DDC: variants seen among roughly 807,000 people sequenced by gnomAD.
DDC encodes aromatic-L-amino-acid decarboxylase.
In DDC, 43 loss-of-function variants were observed where a neutral mutation model predicts 60.0. That is an observed-to-expected ratio of 0.72 (90% CI 0.56 to 0.92). The LOEUF (loss-of-function observed/expected upper bound fraction) is 0.92, where lower values mean the gene tolerates loss of function less well. Ranked by LOEUF, DDC falls within the 40% of genes least tolerant of loss-of-function variation. The pLI is 0.00. For synonymous variants in DDC, 232 were observed against 234.6 expected (o/e 0.99, Z 0.10); for missense variants, 573 against 620.2 (o/e 0.92, Z 0.81).
intron 1 of DDC, among the ~76,000 whole-genome samples, chr7:50,551,229 CTTTT>C (rs58446864): frequency 2.6e-4 from 35 of 133,004 alleles, no homozygotes; most frequent in South Asian, 4.9e-4. Flanking sequence ...TTCCGTTGTA[CTTTT>C]TTTTTTTTTT....
Position 50,463,223 on chromosome 7 carries a change from C to T in DDC, c.*8G>A, listed in dbSNP as rs1341723145. ...CCCAGGGCAGCCTACCTGCAGCTGG[C>T]TTCACTCCTACTCCCTCTCTGCTCG... is the stretch of plus-strand genomic sequence containing the variant. On this transcript the variant is annotated 3_prime_UTR_variant, in exon 14 of 15. Coordinates refer to ENST00000444124, the MANE Select transcript of DDC (RefSeq NM_001082971.2). 4 of 1,606,326 alleles carry T rather than the reference C, an allele frequency of 2.5e-6. No individual in the cohort carries two copies. Among genetic ancestry groups the T allele is most frequent in the South Asian group, 1.1e-5 (1 of 89,688 alleles).
intron 6 of DDC, among the ~76,000 whole-genome samples, chr7:50,522,427 C>CT (rs763969393): frequency 1.3e-5 from 2 of 152,134 alleles, no homozygotes; most frequent in Non-Finnish European, 2.9e-5. Flanking sequence ...GATTCTAATG[C>CT]TTATATGAAG....
chr7:50,470,084 A>C lies in DDC; in HGVS notation c.1129T>G (p.Tyr377Asp). 2 of 1,608,440 alleles carry C rather than the reference A, an allele frequency of 1.2e-6. No homozygotes were observed. Among genetic ancestry groups the C allele is most frequent in the Non-Finnish European group, 1.7e-6 (2 of 1,174,800 alleles). ...AAAAACAAAGTCACCTTGCGGATAT[A>C]AGCCTGCAGTCCTTTGACTCCATAC... ...RMYGVKGLQAYIRKHVQLSHE... is the reference protein window; with the variant it reads ...RMYGVKGLQADIRKHVQLSHE... The change falls in exon 12 of 15, where the codon TAT becomes GAT. Residue 377 changes from tyrosine to aspartate, a missense_variant. Tyr to Asp is a radical substitution (Grantham distance 160). Coordinates refer to ENST00000444124, the MANE Select transcript of DDC (RefSeq NM_001082971.2).
chr7:50,473,592 G>T (rs2042579762), intron 11 of DDC, among the ~76,000 whole-genome samples: 1 of 152,236 alleles, frequency 6.6e-6, no homozygotes, highest in South Asian at 2.1e-4. Flanking sequence ...ACCCCAGAGA[G>T]CCTCCCAAGC....
chr7:50,478,224 A>AG (rs2042691579), intron 10 of DDC, among the ~76,000 whole-genome samples: 1 of 147,360 alleles, frequency 6.8e-6, no homozygotes. Flanking sequence ...AAAAAAAAAA[A>AG]TTGTCAAAGA....
intron 11 of DDC, among the ~76,000 whole-genome samples, chr7:50,471,245 A>G (rs1430680952): frequency 1.3e-5 from 2 of 152,196 alleles, no homozygotes; most frequent in East Asian, 3.9e-4. Flanking sequence ...TACAAAAATT[A>G]GCCTGGTATG....
intron 6 of DDC, among the ~76,000 whole-genome samples, chr7:50,526,574 T>C (rs1300955372): frequency 6.6e-6 from 1 of 152,166 alleles, no homozygotes; most frequent in Non-Finnish European, 1.5e-5. Flanking sequence ...ATATAATAGT[T>C]GAGCCAAATA....
intron 2 of DDC, chr7:50,541,521 G>T (rs574375560): frequency 2.0e-5 from 3 of 152,220 alleles, no homozygotes; most frequent in Non-Finnish European, 2.9e-5. Flanking sequence ...CCCTTAATAA[G>T]ATTAGTGCCC....
In DDC at chr7:50,475,825, G is replaced by A. The variant is rs536897447; in HGVS notation, c.1041+799C>T. On this transcript the variant is annotated intron_variant, in intron 11 of 14. Coordinates refer to ENST00000444124, the MANE Select transcript of DDC (RefSeq NM_001082971.2). Reference sequence around the variant, plus strand: ...CTGCCTCAGCCTCCGGGGTAGCTGGGATTACAGGTGCCTGCCACCACACCC... The same window carrying A: ...CTGCCTCAGCCTCCGGGGTAGCTGGAATTACAGGTGCCTGCCACCACACCC... 1.1e-4 allele frequency among the ~76,000 whole-genome samples: 17 copies of A among 152,208 alleles called. No individual in the cohort carries two copies. The East Asian group carries it at 3.3e-3, about 29-fold the overall frequency.
At chr7:50,493,059 T>C in intron 9 of DDC, 1 of 1,478,734 alleles carries the variant, frequency 6.8e-7, no homozygotes, top group Non-Finnish European at 9.3e-7. Flanking sequence ...TGTCAATATT[T>C]GCCTCCAAGA....
intron 1 of DDC, among the ~76,000 whole-genome samples, chr7:50,564,959 A>G (rs1302746893): frequency 6.6e-6 from 1 of 152,170 alleles, no homozygotes; most frequent in Non-Finnish European, 1.5e-5. Flanking sequence ...GGAATAAAAT[A>G]CCCAACACCA....
At chr7:50,468,199 C>A (rs1479388182) in intron 12 of DDC, among the ~76,000 whole-genome samples, 1 of 152,218 alleles carries the variant, frequency 6.6e-6, no homozygotes, top group African/African-American at 2.4e-5. Context: ...CCTCGTCATG[C>A]CACCAGAGAG....
chr7:50,546,515 G>GGA (rs1379030376), intron 1 of DDC, among the ~76,000 whole-genome samples: 2 of 152,214 alleles, frequency 1.3e-5, no homozygotes, highest in African/African-American at 4.8e-5. Context: ...TCAAAGTTGT[G>GGA]CTCAGAAGGC....
At position 50,552,467 on chromosome 7, in the gene DDC, C is replaced by A. The variant is rs572188510; in HGVS notation, c.-28-8354G>T. Reference sequence around the variant, plus strand: ...CTGTGCACGGTGAGCTGGCTGCCTCCCTGGACTTCTGGCTCAATGTCTTTT... The same window carrying A: ...CTGTGCACGGTGAGCTGGCTGCCTCACTGGACTTCTGGCTCAATGTCTTTT... On this transcript the variant is annotated intron_variant, in intron 1 of 14. Transcript: ENST00000444124. 4.6e-5 allele frequency among the ~76,000 whole-genome samples: 7 copies of A among 152,304 alleles called. No homozygotes were observed. In the South Asian group the frequency reaches 1.5e-3, roughly 32 times the overall value.
rs991445912 is a variant in DDC, at chr7:50,492,627, G to C, written c.944+2723C>G. 15 of 1,082,300 alleles carry C rather than the reference G, an allele frequency of 1.4e-5. No individual in the cohort carries two copies. In the African/African-American group the frequency reaches 2.3e-4, roughly 16 times the overall value. The allele number at this position is 1,082,300 out of a possible 1,614,324, so 67.0% of individuals were successfully genotyped here. On this transcript the variant is annotated intron_variant, in intron 9 of 14. Transcript: ENST00000444124. ...ACCCTTCTCTTGTGGCAGACTTCCA[G>C]ACACCGCAGGCCTCTCTTGTGTCTT...
rs572453670 is a variant in DDC, at chr7:50,553,884, G to T, written c.-28-9771C>A. On this transcript the variant is annotated intron_variant, in intron 1 of 14. Transcript: ENST00000444124. ...AAGCAAGACCATAAAGAAGTTTCTA[G>T]CCATGAGAGCTTTTTAATCACAGGA... Among the ~76,000 whole-genome samples the T allele has an allele frequency of 1.1e-3, 170 of 152,266 alleles. 4 individuals are homozygous for T. The highest frequency in any genetic ancestry group is 3.8e-4 in the Non-Finnish European group (26 of 68,006).
intron 9 of DDC, among the ~76,000 whole-genome samples, chr7:50,491,546 A>C (rs930477832): frequency 6.6e-6 from 1 of 152,214 alleles, no homozygotes; most frequent in African/African-American, 2.4e-5. Flanking sequence ...ATGTGAACGG[A>C]AAATAAAAAC....
At chr7:50,495,806 A>T (rs115226635) in intron 8 of DDC, among the ~76,000 whole-genome samples, 444 of 152,348 alleles carry the variant, frequency 2.9e-3, no homozygotes, top group Middle Eastern at 6.8e-3. Context: ...TTATATTTTA[A>T]ATTACTGGAA....
intron 8 of DDC, among the ~76,000 whole-genome samples, chr7:50,496,506 G>T (rs3807566): frequency 0.39 from 58,792 of 151,998 alleles, 11,641 homozygotes; most frequent in Non-Finnish European, 0.44. Context: ...AGTGTTAGGG[G>T]CTACCTTATT....
Sources: gnomAD v4.1 joint callset for allele counts (sites outside exome capture counted in the v4.1 genomes callset) on GRCh38, gnomAD v4.1.1 for gene constraint, MANE v1.5 for transcripts, NCBI Gene and HGNC (gene_info 2026-07-23, HGNC 2026-07-21) for gene names.